The following ZNF407 variants were observed in gnomAD, a reference collection of about 807,000 sequenced individuals.
ZNF407 encodes the protein zinc finger protein 407.
Under a neutral mutation model 131.2 loss-of-function variants are expected in ZNF407, and 17 were observed. The ratio of observed to expected loss-of-function variants is 0.13; its 90% CI spans 0.09 to 0.19. The LOEUF (loss-of-function observed/expected upper bound fraction) is 0.19, where lower values mean the gene tolerates loss of function less well. Ranked by LOEUF, ZNF407 falls within the 10% of genes least tolerant of loss-of-function variation. ZNF407 has a pLI of 1.00. For missense variants in ZNF407, 2,681 were observed against 2,830.6 expected (o/e 0.95, Z 1.20); for synonymous variants, 1,156 against 1,062.0 (o/e 1.09, Z -1.72).
chr18:74,897,634 T>A (rs998597783), intron 7 of ZNF407, among the ~76,000 whole-genome samples: 4 of 151,744 alleles, frequency 2.6e-5, no homozygotes, highest in East Asian at 1.9e-4. Flanking sequence ...AAATAGAAAA[T>A]TTTTTTTTGG....
chr18:74,704,396 A>G (rs1367347356), intron 3 of ZNF407, among the ~76,000 whole-genome samples: 3 of 152,152 alleles, frequency 2.0e-5, no homozygotes, highest in East Asian at 1.9e-4. Flanking sequence ...TACAGGTACA[A>G]CGGGGAAAAT....
At chr18:74,924,419 A>G (rs921296465) in intron 8 of ZNF407, among the ~76,000 whole-genome samples, 43 of 152,278 alleles carry the variant, frequency 2.8e-4, no homozygotes, top group African/African-American at 8.4e-4. Context: ...TTACAGTCAC[A>G]TTAATCTTCA....
chr18:74,749,259 G>A (rs1320029472), intron 3 of ZNF407, among the ~76,000 whole-genome samples: 1 of 152,094 alleles, frequency 6.6e-6, no homozygotes, highest in Non-Finnish European at 1.5e-5. Flanking sequence ...TCTCCTCTCT[G>A]CTGTCCTCCC....
intron 8 of ZNF407, among the ~76,000 whole-genome samples, chr18:74,963,248 A>G (rs1461775166): frequency 5.3e-5 from 8 of 150,656 alleles, no homozygotes; most frequent in Non-Finnish European, 1.2e-4. Context: ...TTCACTCCAT[A>G]TCTGACTTTT....
intron 4 of ZNF407, among the ~76,000 whole-genome samples, chr18:74,876,250 G>A (rs371650737): frequency 1.2e-4 from 19 of 152,264 alleles, no homozygotes; most frequent in East Asian, 3.9e-4. Context: ...TTGTGGCATC[G>A]TGCTTGTCAA....
In ZNF407 at chr18:74,635,015, AAGT is replaced by A. The variant is rs1984379941; in HGVS notation, c.4000_4002del (p.Ser1334del). ...GCCCAGCTTCTGATAGCACAGTTGAAAGTAGTGATGTCTATGAAACTATAATTA... is the reference window on the plus strand; with the variant it reads ...GCCCAGCTTCTGATAGCACAGTTGAAAGTGATGTCTATGAAACTATAATTA... On this transcript the variant is annotated inframe_deletion, in exon 2 of 9. Transcript: ENST00000299687. This position sits in a 1 kb window ranked among gnomAD's most constrained non-coding sequence, Gnocchi z 4.7. 6.2e-7 allele frequency: 1 copy of A among 1,613,882 alleles called. No individual in the cohort carries two copies. The highest frequency in any genetic ancestry group is 1.3e-5 in the African/African-American group (1 of 74,918).
At chr18:74,814,622 TA>T (rs1970242826) in intron 4 of ZNF407, among the ~76,000 whole-genome samples, 1 of 152,218 alleles carries the variant, frequency 6.6e-6, no homozygotes, top group Non-Finnish European at 1.5e-5. Flanking sequence ...TTGTGGATAG[TA>T]TATGAGAAAC....
chr18:74,914,177 A>C (rs1000592916), intron 7 of ZNF407, among the ~76,000 whole-genome samples: 1 of 152,080 alleles, frequency 6.6e-6, no homozygotes, highest in African/African-American at 2.4e-5. Flanking sequence ...GGGGAATCTC[A>C]CTTCCCTTCC....
chr18:74,603,374 G>A (rs1982665947), intron 1 of ZNF407, among the ~76,000 whole-genome samples: 2 of 152,204 alleles, frequency 1.3e-5, no homozygotes, highest in South Asian at 4.1e-4. Flanking sequence ...AAATAGTACA[G>A]TGATGCCTCA....
rs79232123 is a variant in ZNF407 at position 74,734,805 on chromosome 18, C to T, written c.4803-46623C>T. Among the ~76,000 whole-genome samples, 1,108 of 151,730 alleles carry T rather than the reference C, an allele frequency of 7.3e-3. 12 individuals carry two copies. Among genetic ancestry groups the T allele is most frequent in the African/African-American group, 0.025 (1,043 of 41,388 alleles). On this transcript the variant is annotated intron_variant, in intron 3 of 8. Transcript: ENST00000299687. ...CTGACATTTAGTTGAGATGTTTCTTCGAGTGCAGGAATCTCAGTGAGATTA... is the reference window on the plus strand; with the variant it reads ...CTGACATTTAGTTGAGATGTTTCTTTGAGTGCAGGAATCTCAGTGAGATTA...
intron 8 of ZNF407, among the ~76,000 whole-genome samples, chr18:74,963,919 T>C (rs1392029911): frequency 2.0e-5 from 3 of 152,226 alleles, no homozygotes. Context: ...GAGTTTGAAT[T>C]GCTCTTCAGA....
At chr18:74,912,362 TCTGGGAGA>T (rs1400127969) in intron 7 of ZNF407, among the ~76,000 whole-genome samples, 2 of 152,088 alleles carry the variant, frequency 1.3e-5, no homozygotes, top group Admixed American at 1.3e-4. Flanking sequence ...GCAGTTGTGA[TCTGGGAGA>T]AAAAGAGCCA....
intron 3 of ZNF407, among the ~76,000 whole-genome samples, chr18:74,675,253 A>G (rs1986308707): frequency 6.6e-6 from 1 of 152,222 alleles, no homozygotes; most frequent in South Asian, 2.1e-4. Context: ...CCAGCCACTC[A>G]TCACTTAACC....
At chr18:74,974,631 G>T (rs1030107875) in intron 8 of ZNF407, among the ~76,000 whole-genome samples, 1 of 152,194 alleles carries the variant, frequency 6.6e-6, no homozygotes, top group African/African-American at 2.4e-5. Flanking sequence ...TACCAATGAT[G>T]AAGTAGATTA....
intron 3 of ZNF407, among the ~76,000 whole-genome samples, chr18:74,710,938 A>C (rs1449076176): frequency 6.6e-6 from 1 of 152,192 alleles, no homozygotes; most frequent in African/African-American, 2.4e-5. Flanking sequence ...TCCTGTCAGA[A>C]TGAGACAACA....
intron 4 of ZNF407, among the ~76,000 whole-genome samples, chr18:74,834,668 C>T (rs556472603): frequency 1.3e-5 from 2 of 152,328 alleles, no homozygotes; most frequent in South Asian, 2.1e-4. Flanking sequence ...GACCTCTACA[C>T]CCACCAGAAA....
chr18:74,657,919 C>T (rs1205975150), intron 3 of ZNF407, among the ~76,000 whole-genome samples: 2 of 151,610 alleles, frequency 1.3e-5, no homozygotes, highest in South Asian at 4.2e-4. Context: ...TCTTCTTCTT[C>T]TTCTTCTTCT....
At chr18:74,682,873 TGTG>T (rs773944239) in intron 3 of ZNF407, among the ~76,000 whole-genome samples, 2 of 152,180 alleles carry the variant, frequency 1.3e-5, no homozygotes, top group Non-Finnish European at 2.9e-5. Flanking sequence ...TGCGCTTTGT[TGTG>T]TGTTGTGTGC....
chr18:74,778,784 C>A (rs2145020169), intron 3 of ZNF407, among the ~76,000 whole-genome samples: 1 of 152,022 alleles, frequency 6.6e-6, no homozygotes, highest in Non-Finnish European at 1.5e-5. Flanking sequence ...AGGTGCAGGA[C>A]CCCCTCACAG....
Sources: gnomAD v4.1 joint callset for allele counts (sites outside exome capture counted in the v4.1 genomes callset) on GRCh38, gnomAD v4.1.1 for gene constraint, Gnocchi (gnomAD v3.1) non-coding constraint, MANE v1.5 for transcripts, NCBI Gene and HGNC (gene_info 2026-07-23, HGNC 2026-07-21) for gene names.